The following CNTN5 variants were observed in gnomAD, a reference collection of about 807,000 sequenced individuals.
CNTN5 encodes contactin 5, also known as contactin-5.
In CNTN5, 77 loss-of-function variants were observed where a neutral mutation model predicts 129.1. The ratio of observed to expected loss-of-function variants is 0.60; its 90% confidence interval spans 0.50 to 0.72. The LOEUF is 0.72. Among genes scored for constraint, CNTN5 ranks in the 30% least tolerant of loss-of-function variants. The pLI, the probability that CNTN5 is intolerant of heterozygous loss-of-function variation, is 0.00. For synonymous variants in CNTN5, 509 were observed against 465.6 expected (o/e 1.09, Z -1.20); for missense variants, 1,478 against 1,328.8 (o/e 1.11, Z -1.75).
At chr11:99,328,285 C>G (rs756594872) in intron 2 of CNTN5, among the ~76,000 whole-genome samples, 1 of 152,064 alleles carries the variant, frequency 6.6e-6, no homozygotes, top group Non-Finnish European at 1.5e-5. Context: ...AATGAATACT[C>G]GAAAGAATTT....
rs12417826 is a variant in CNTN5 at position 99,895,554 on chromosome 11, T to C, written c.578-20500T>C. On this transcript the variant is annotated intron_variant, in intron 6 of 24. Coordinates refer to ENST00000524871, the MANE Select transcript of CNTN5 (RefSeq NM_014361.4). ...CACCAGGGAAGTGACAGGACCCACA[T>C]AGAGCAGAGAGGAATGAAGCCATGA... Among the ~76,000 whole-genome samples, 265 of 152,210 alleles carry C rather than the reference T, an allele frequency of 1.7e-3. 3 individuals carry two copies. Among genetic ancestry groups the C allele is most frequent in the Admixed American group, 0.016 (237 of 15,288 alleles).
chr11:99,275,203 A>G (rs1863370379), intron 1 of CNTN5, among the ~76,000 whole-genome samples: 4 of 151,428 alleles, frequency 2.6e-5, no homozygotes, highest in Non-Finnish European at 5.9e-5. Flanking sequence ...TATATAAAAA[A>G]AAACTCAATC....
chr11:99,629,714 A>G (rs1047443454), intron 3 of CNTN5, among the ~76,000 whole-genome samples: 9 of 152,046 alleles, frequency 5.9e-5, no homozygotes, highest in African/African-American at 2.2e-4. Context: ...TGATGACACA[A>G]TTATACAGAG....
At chr11:99,066,508 G>A (rs1447491654) in intron 1 of CNTN5, among the ~76,000 whole-genome samples, 1 of 152,108 alleles carries the variant, frequency 6.6e-6, no homozygotes, top group Non-Finnish European at 1.5e-5. Context: ...ATTTTTCTCT[G>A]TTAAATACAT....
chr11:99,021,089 G>C lies in CNTN5; in HGVS notation c.-391G>C, dbSNP rs1028261474. 5.9e-5 allele frequency: 9 copies of C among 152,532 alleles called. No individual in the cohort carries two copies. The highest frequency in any genetic ancestry group is 2.2e-4 in the African/African-American group (9 of 41,480). 9.4% of individuals were successfully genotyped at this position (152,532 alleles called of 1,614,324 possible). Reference sequence around the variant, plus strand: ...ATGCGTTACCTGGGTCCCGTCTGCTGCGAGAGGCAGGGCAAGCTGGAGGAT... The same window carrying C: ...ATGCGTTACCTGGGTCCCGTCTGCTCCGAGAGGCAGGGCAAGCTGGAGGAT... On this transcript the variant is annotated 5_prime_UTR_variant, in exon 1 of 25. Coordinates refer to ENST00000524871, the MANE Select transcript of CNTN5 (RefSeq NM_014361.4).
At chr11:99,865,242 A>G (rs1948323646) in intron 6 of CNTN5, among the ~76,000 whole-genome samples, 2 of 152,146 alleles carry the variant, frequency 1.3e-5, no homozygotes, top group Admixed American at 6.6e-5. Flanking sequence ...GAAAATTTTC[A>G]TATGTCTTCA....
intron 6 of CNTN5, among the ~76,000 whole-genome samples, chr11:99,882,800 C>A (rs908983429): frequency 6.6e-6 from 1 of 152,112 alleles, no homozygotes; most frequent in Non-Finnish European, 1.5e-5. Flanking sequence ...AATAGTAAGT[C>A]TTATTCATTC....
intron 3 of CNTN5, among the ~76,000 whole-genome samples, chr11:99,691,762 C>T (rs564958193): frequency 6.6e-6 from 1 of 152,120 alleles, no homozygotes; most frequent in Non-Finnish European, 1.5e-5. Context: ...TCTGTCGGAT[C>T]CACTTGATCC....
intron 15 of CNTN5, among the ~76,000 whole-genome samples, chr11:100,202,236 G>A (rs922747073): frequency 8.6e-5 from 13 of 151,866 alleles, no homozygotes; most frequent in Non-Finnish European, 1.5e-4. Flanking sequence ...CAGATCTAGG[G>A]CATATCTAGA....
chr11:99,681,864 A>C (rs609618), intron 3 of CNTN5, among the ~76,000 whole-genome samples: 86,344 of 151,802 alleles, frequency 0.57, 26,033 homozygotes, highest in Non-Finnish European at 0.69. Flanking sequence ...TTTAAAGATA[A>C]TTTAAAAATA....
chr11:99,454,356 G>T (rs1944417319), intron 2 of CNTN5, among the ~76,000 whole-genome samples: 1 of 152,142 alleles, frequency 6.6e-6, no homozygotes, highest in South Asian at 2.1e-4. Flanking sequence ...TGGGTCAAGG[G>T]TGGGACCAAG....
chr11:100,298,779 A>G (rs1951153523), intron 19 of CNTN5, among the ~76,000 whole-genome samples: 3 of 151,454 alleles, frequency 2.0e-5, no homozygotes, highest in Non-Finnish European at 4.4e-5. Flanking sequence ...TGTGGTCTAA[A>G]GGGTTCTGCA....
At chr11:99,998,267 G>T (rs1029025939) in intron 8 of CNTN5, among the ~76,000 whole-genome samples, 2 of 151,952 alleles carry the variant, frequency 1.3e-5, no homozygotes, top group South Asian at 2.1e-4. Context: ...CATCATCTCA[G>T]CCCAAAACCT....
At chr11:99,434,361 G>A (rs1023668516) in intron 2 of CNTN5, among the ~76,000 whole-genome samples, 1 of 152,124 alleles carries the variant, frequency 6.6e-6, no homozygotes, top group African/African-American at 2.4e-5. Flanking sequence ...GCTTGAGTTA[G>A]CAGAGAAAAT....
At chr11:100,337,152 A>C (rs1952054313) in intron 21 of CNTN5, 2 of 1,428,420 alleles carry the variant, frequency 1.4e-6, no homozygotes, top group East Asian at 4.6e-5. Context: ...TGACAGCTGC[A>C]CCCATGAATG....
chr11:99,252,831 A>T (rs1281317790), intron 1 of CNTN5, among the ~76,000 whole-genome samples: 1 of 151,998 alleles, frequency 6.6e-6, no homozygotes, highest in African/African-American at 2.4e-5. Context: ...TGTTGCAAAT[A>T]ATTTCTCCTG....
intron 6 of CNTN5, among the ~76,000 whole-genome samples, chr11:99,900,098 C>A (rs185622134): frequency 2.6e-5 from 4 of 151,428 alleles, no homozygotes; most frequent in Non-Finnish European, 2.9e-5. Context: ...TGAGTCTTCT[C>A]TCTTTTTTTT....
At chr11:100,230,257 C>G (rs1949461617) in intron 16 of CNTN5, among the ~76,000 whole-genome samples, 1 of 152,046 alleles carries the variant, frequency 6.6e-6, no homozygotes, top group African/African-American at 2.4e-5. Flanking sequence ...ATATTCTGCA[C>G]TATTGTAGAA....
In CNTN5 at chr11:100,240,536, A is replaced by G. The variant is rs186591408; in HGVS notation, c.2006-15224A>G. Among the ~76,000 whole-genome samples, 14 of 152,274 alleles carry G rather than the reference A, an allele frequency of 9.2e-5. 1 individual carries two copies. The highest frequency in any genetic ancestry group is 8.5e-4 in the Admixed American group (13 of 15,290). ...CTAAGTTAAGCACTTAGTGTGTAAT[A>G]TTCATTGTTTTTCAAGTCCTTAGGA... is the stretch of plus-strand genomic sequence containing the variant. On this transcript the variant is annotated intron_variant, in intron 16 of 24. Coordinates refer to ENST00000524871, the MANE Select transcript of CNTN5 (RefSeq NM_014361.4).
Sources: allele counts gnomAD v4.1 joint callset (sites outside exome capture counted in the v4.1 genomes callset), GRCh38; gene constraint gnomAD v4.1.1; transcripts MANE v1.5; gene names NCBI Gene and HGNC (gene_info 2026-07-23, HGNC 2026-07-21).